Variants in LRRC8C observed in about 807,000 individuals in gnomAD.
LRRC8C encodes leucine rich repeat containing 8 VRAC subunit C.
Under a neutral mutation model 55.3 loss-of-function variants are expected in LRRC8C, and 20 were observed. The ratio of observed to expected loss-of-function variants is 0.36; its 90% CI spans 0.25 to 0.53. The LOEUF (loss-of-function observed/expected upper bound fraction) is 0.53. LRRC8C is among the 20% of genes least tolerant of loss of function. LRRC8C has a pLI of 0.92. For synonymous variants in LRRC8C, 376 were observed against 360.7 expected, an observed-to-expected ratio of 1.04 and a Z score of -0.48; for missense variants, 659 against 951.4, an observed-to-expected ratio of 0.69 and a Z score of 4.04.
intron 1 of LRRC8C, among the ~76,000 whole-genome samples, chr1:89,635,487 G>A (rs1392629722): frequency 6.6e-6 from 1 of 152,128 alleles, no homozygotes; most frequent in Non-Finnish European, 1.5e-5. Context: ...ACATAAGAAG[G>A]AAGTTCAGAG....
At chr1:89,705,716 G>T (rs894934998) in intron 2 of LRRC8C, among the ~76,000 whole-genome samples, 2 of 152,000 alleles carry the variant, frequency 1.3e-5, no homozygotes, top group Non-Finnish European at 2.9e-5. Flanking sequence ...GGAGGTGGAG[G>T]TTGCAGTGAG....
Position 89,713,185 on chromosome 1 carries a change from C to A in LRRC8C, c.615C>A (p.Asp205Glu), listed in dbSNP as rs1658706786. 1 of 1,614,036 alleles carries A rather than the reference C, an allele frequency of 6.2e-7. No homozygotes were observed. The highest frequency in any genetic ancestry group is 1.3e-5 in the African/African-American group (1 of 74,904). ...RSNTIQSGPEDSLVNSQSLKS... is the reference protein window; with the variant it reads ...RSNTIQSGPEESLVNSQSLKS... ...ACACCATCCAATCTGGTCCAGAAGA[C>A]AGCCTGGTCAACTCTCAGTCTTTAA... Residue 205 changes from aspartate to glutamate, a missense_variant, in exon 3 of 3, where the codon GAC becomes GAA. Asp to Glu is a conservative substitution (Grantham distance 45, BLOSUM62 2). Transcript: ENST00000370454. This position sits in a 1 kb window ranked among gnomAD's most constrained non-coding sequence, Gnocchi z 5.2.
intron 1 of LRRC8C, among the ~76,000 whole-genome samples, chr1:89,645,043 CA>C (rs2101186861): frequency 6.6e-6 from 1 of 152,204 alleles, no homozygotes; most frequent in African/African-American, 2.4e-5. Context: ...AACTCATTAT[CA>C]AGACAAAATA....
At chr1:89,658,464 C>T (rs1188959675) in intron 1 of LRRC8C, among the ~76,000 whole-genome samples, 1 of 152,140 alleles carries the variant, frequency 6.6e-6, no homozygotes, top group Non-Finnish European at 1.5e-5. Flanking sequence ...TTATTCATAT[C>T]TCAACATCTC....
At chr1:89,689,271 C>T (rs1409995254) in intron 2 of LRRC8C, among the ~76,000 whole-genome samples, 1 of 152,124 alleles carries the variant, frequency 6.6e-6, no homozygotes, top group East Asian at 1.9e-4. Flanking sequence ...AGCCATGAGG[C>T]CAGTGTGCCA....
chr1:89,668,384 A>G (rs1657327487), intron 1 of LRRC8C: 1 of 152,222 alleles, frequency 6.6e-6, no homozygotes. Context: ...TATTTATTAT[A>G]GAAGGATAAG....
At chr1:89,684,838 A>T (rs953004566) in intron 1 of LRRC8C, among the ~76,000 whole-genome samples, 4 of 152,164 alleles carry the variant, frequency 2.6e-5, no homozygotes, top group Non-Finnish European at 5.9e-5. Flanking sequence ...GTGGTAACAG[A>T]AAAAAGTTAA....
At chr1:89,637,091 A>G (rs946316080) in intron 1 of LRRC8C, among the ~76,000 whole-genome samples, 1 of 152,082 alleles carries the variant, frequency 6.6e-6, no homozygotes, top group African/African-American at 2.4e-5. Context: ...CTGGTATTAC[A>G]TTTGCTGGAA....
chr1:89,657,794 T>C (rs1209979123), intron 1 of LRRC8C, among the ~76,000 whole-genome samples: 1 of 151,640 alleles, frequency 6.6e-6, no homozygotes, highest in Non-Finnish European at 1.5e-5. Flanking sequence ...ACTAAGAATT[T>C]CTGAAAAATT....
Position 89,713,610 on chromosome 1 carries a change from G to A in LRRC8C, c.1040G>A (p.Arg347Gln), listed in dbSNP as rs748267834. 3 of 1,613,936 alleles carry A rather than the reference G, an allele frequency of 1.9e-6. No homozygotes were observed. Among genetic ancestry groups the A allele is most frequent in the South Asian group, 1.1e-5 (1 of 91,064 alleles). ...TACTGGCTGTTCTACCGTTCTCTAC[G>A]GGAATATTCCTTTGAGTATGTCCGT... is the stretch of plus-strand genomic sequence containing the variant. Reference protein sequence around the residue: ...TLYWLFYRSLREYSFEYVRQE... With the variant: ...TLYWLFYRSLQEYSFEYVRQE... Residue 347 changes from arginine (R) to glutamine (Q), a missense_variant, in exon 3 of 3, where the codon CGG becomes CAG. Arg to Gln is a conservative substitution (Grantham distance 43). Transcript: ENST00000370454. The surrounding 1 kb of genome is among the most constrained non-coding windows in gnomAD (Gnocchi z 5.2).
intron 1 of LRRC8C, among the ~76,000 whole-genome samples, chr1:89,681,464 T>C (rs986430539): frequency 6.6e-6 from 1 of 152,232 alleles, no homozygotes; most frequent in East Asian, 1.9e-4. Context: ...TACATCTGTG[T>C]ATTAGTCTGT....
chr1:89,652,424 GAAT>G (rs1211670269), intron 1 of LRRC8C, among the ~76,000 whole-genome samples: 1 of 152,154 alleles, frequency 6.6e-6, no homozygotes, highest in African/African-American at 2.4e-5. Flanking sequence ...TGGTGGTTAA[GAAT>G]AATAATTTTG....
At position 89,718,688 on chromosome 1, in the gene LRRC8C, T is replaced by C. The variant is rs1224181585; in HGVS notation, c.*3706T>C. The C allele has an allele frequency of 6.6e-6, 1 of 152,194 alleles. No homozygotes were observed. Among genetic ancestry groups the C allele is most frequent in the East Asian group, 1.9e-4 (1 of 5,196 alleles). 9.4% of individuals were successfully genotyped at this position (152,194 alleles called of 1,614,324 possible). A position where few individuals can be genotyped will look rare whatever the true frequency, so the allele number is the denominator to read the frequency against. On this transcript the variant is annotated 3_prime_UTR_variant, in exon 3 of 3. Coordinates refer to ENST00000370454, the MANE Select transcript of LRRC8C (RefSeq NM_032270.5). The stretch of plus-strand genomic sequence containing the variant: ...TTAGTAGTGAACAGATAAAGTCAAT[T>C]TGAATATAATTCCACTTTGTTTTTA...
chr1:89,710,381 T>C (rs1177874122), intron 2 of LRRC8C, among the ~76,000 whole-genome samples: 1 of 152,192 alleles, frequency 6.6e-6, no homozygotes, highest in Non-Finnish European at 1.5e-5. Context: ...TCCATTGAGA[T>C]GTGAAATAAA....
In LRRC8C at chr1:89,633,349, T is replaced by TGGAGAGGGGCAGCCC. The variant is rs1274601161; in HGVS notation, c.-5+29_-5+43dup. The TGGAGAGGGGCAGCCC allele has an allele frequency of 3.9e-5, 6 of 152,166 alleles. No individual in the cohort carries two copies. In the East Asian group the frequency reaches 1.2e-3, roughly 30 times the overall value. The allele number at this position is 152,166 out of a possible 1,614,324, so 9.4% of individuals were successfully genotyped here. On this transcript the variant is annotated intron_variant, in intron 1 of 2. Coordinates refer to ENST00000370454, the MANE Select transcript of LRRC8C (RefSeq NM_032270.5). ...TAAGGGCGGGGGATCCGCGGAGGGA[T>TGGAGAGGGGCAGCCC]GGAGAGGGGCAGCCCGCAGAGGGCC...
chr1:89,691,821 A>G (rs1175321311), intron 2 of LRRC8C, among the ~76,000 whole-genome samples: 1 of 152,230 alleles, frequency 6.6e-6, no homozygotes, highest in Non-Finnish European at 1.5e-5. Context: ...CTTATAAAAC[A>G]GGATTTTCAG....
At chr1:89,695,281 A>G (rs1658143904) in intron 2 of LRRC8C, among the ~76,000 whole-genome samples, 2 of 152,184 alleles carry the variant, frequency 1.3e-5, no homozygotes, top group Admixed American at 1.3e-4. Flanking sequence ...GACAAGTTCA[A>G]AATGTTAAGT....
intron 1 of LRRC8C, among the ~76,000 whole-genome samples, chr1:89,663,616 G>A (rs944323424): frequency 4.6e-5 from 7 of 151,832 alleles, no homozygotes; most frequent in African/African-American, 1.7e-4. Flanking sequence ...ATAGTAGAAT[G>A]ATTTATAATC....
At chr1:89,629,204 A>C (rs934604137), upstream of LRRC8C, among the ~76,000 whole-genome samples, 5 of 152,224 alleles carry the variant, frequency 3.3e-5, no homozygotes, top group African/African-American at 9.6e-5. Flanking sequence ...TTTATCTTGC[A>C]GGTATTAATT....
Sources: allele counts gnomAD v4.1 joint callset (sites outside exome capture counted in the v4.1 genomes callset), GRCh38; gene constraint gnomAD v4.1.1; non-coding constraint Gnocchi (gnomAD v3.1); transcripts MANE v1.5; gene names NCBI Gene and HGNC (gene_info 2026-07-23, HGNC 2026-07-21).